WWC1: variants seen among roughly 807,000 people sequenced by gnomAD.
WWC1 encodes WW and C2 domain containing 1.
Under a neutral mutation model 138.4 loss-of-function variants are expected in WWC1, and 55 were observed. The observed-to-expected ratio is 0.40, with a 90% CI of 0.32 to 0.50. The LOEUF (loss-of-function observed/expected upper bound fraction) is 0.50, where lower values mean the gene tolerates loss of function less well. Ranked by LOEUF, WWC1 falls within the 20% of genes least tolerant of loss-of-function variation. The probability of loss-of-function intolerance (pLI) is 0.72; values close to 1 mark genes in which losing one functional copy is unlikely to be tolerated. For synonymous variants in WWC1, 524 were observed against 564.9 expected, an observed-to-expected ratio of 0.93 and a Z score of 1.03; for missense variants, 1,226 against 1,420.4, an observed-to-expected ratio of 0.86 and a Z score of 2.20.
At chr5:168,347,036 G>C (rs1451357875) in intron 1 of WWC1, among the ~76,000 whole-genome samples, 1 of 152,142 alleles carries the variant, frequency 6.6e-6, no homozygotes, top group Non-Finnish European at 1.5e-5. Context: ...TCCCTGGATG[G>C]TTCCTGGATC....
In WWC1 at chr5:168,464,874, A is replaced by G. The variant is rs755507827; in HGVS notation, c.3062A>G (p.Gln1021Arg). The change falls in exon 21 of 23, where the codon CAA becomes CGA. Residue 1021 changes from glutamine to arginine, a missense_variant. Gln to Arg is a conservative substitution (Grantham distance 43). Transcript: ENST00000265293. Reference protein sequence around the residue: ...VLKELKEQLEQAKSHGEKELP... With the variant: ...VLKELKEQLERAKSHGEKELP... ...AAGGAGCTCAAGGAGCAGCTGGAAC[A>G]AGCCAAGAGCCACGGGGAGAAGGAG... 1 of 1,614,212 alleles carries G rather than the reference A, an allele frequency of 6.2e-7. No homozygotes were observed. Among genetic ancestry groups the G allele is most frequent in the East Asian group, 2.2e-5 (1 of 44,874 alleles).
chr5:168,397,219 T>C (rs968630981), intron 3 of WWC1, among the ~76,000 whole-genome samples: 7 of 151,972 alleles, frequency 4.6e-5, no homozygotes, highest in Admixed American at 1.3e-4. Context: ...TTCGGCTCAC[T>C]GCAACCTCTG....
At chr5:168,303,775 T>C (rs1240501524) in intron 1 of WWC1, among the ~76,000 whole-genome samples, 1 of 152,174 alleles carries the variant, frequency 6.6e-6, no homozygotes, top group African/African-American at 2.4e-5. Flanking sequence ...AGGACTCCCC[T>C]GCGCTGAGCT....
At chr5:168,355,515 A>C (rs933561624) in intron 1 of WWC1, among the ~76,000 whole-genome samples, 15 of 151,930 alleles carry the variant, frequency 9.9e-5, no homozygotes, top group African/African-American at 3.1e-4. Context: ...AAAAAAAAAA[A>C]AAAACAGCAT....
chr5:168,447,847 T>C (rs1755421863), intron 17 of WWC1, among the ~76,000 whole-genome samples: 1 of 151,764 alleles, frequency 6.6e-6, no homozygotes, highest in Non-Finnish European at 1.5e-5. Context: ...CCCTCTCTCT[T>C]TCCTTTCCTC....
rs61008867 is a variant in WWC1, at chr5:168,356,437, T to C, written c.120-14987T>C. On this transcript the variant is annotated intron_variant, in intron 1 of 22. Transcript: ENST00000265293. ...CCAGGCTCTTATGTGTTGGTGTCCA[T>C]AGGAAAAAAGGTGTCATACATCGGT... Among the ~76,000 whole-genome samples the C allele has an allele frequency of 4.9e-3, 751 of 152,250 alleles. 3 individuals carry two copies. Among genetic ancestry groups the C allele is most frequent in the African/African-American group, 0.017 (714 of 41,550 alleles).
intron 3 of WWC1, among the ~76,000 whole-genome samples, chr5:168,389,613 T>G (rs1482571286): frequency 1.1e-3 from 162 of 146,584 alleles, no homozygotes; most frequent in African/African-American, 2.5e-3. Flanking sequence ...TTTTTTTTTT[T>G]TTTTTGTTAA....
rs148530832 is a variant in WWC1, at chr5:168,375,728, C to T, written c.229+4195C>T. ...TAGCTGGGATTGCAGGTGCCCGCCACCACGCCCAGCTCATTTTTGTAATTT... is the reference window on the plus strand; with the variant it reads ...TAGCTGGGATTGCAGGTGCCCGCCATCACGCCCAGCTCATTTTTGTAATTT... On this transcript the variant is annotated intron_variant, in intron 2 of 22. Coordinates refer to ENST00000265293, the MANE Select transcript of WWC1 (RefSeq NM_015238.3). 6.9e-3 allele frequency among the ~76,000 whole-genome samples: 1,042 copies of T among 151,962 alleles called. 10 individuals carry two copies. Among genetic ancestry groups the T allele is most frequent in the African/African-American group, 0.024 (978 of 41,426 alleles).
chr5:168,303,178 C>T (rs1182100813), intron 1 of WWC1, among the ~76,000 whole-genome samples: 1 of 152,196 alleles, frequency 6.6e-6, no homozygotes, highest in East Asian at 1.9e-4. Flanking sequence ...AAAATGGTCT[C>T]ATGAGCCAAC....
chr5:168,323,874 TCAGGG>T (rs753008329), intron 1 of WWC1, among the ~76,000 whole-genome samples: 2 of 151,972 alleles, frequency 1.3e-5, no homozygotes, highest in Non-Finnish European at 2.9e-5. Context: ...CTTAAAATCA[TCAGGG>T]AATAACACAC....
chr5:168,315,943 G>A (rs1321265859), intron 1 of WWC1, among the ~76,000 whole-genome samples: 1 of 152,148 alleles, frequency 6.6e-6, no homozygotes, highest in Admixed American at 6.5e-5. Context: ...ATCCCTGTCT[G>A]TATTTCAGGG....
intron 19 of WWC1, among the ~76,000 whole-genome samples, chr5:168,458,942 A>C (rs1421409229): frequency 1.3e-5 from 2 of 152,124 alleles, no homozygotes; most frequent in East Asian, 3.9e-4. Context: ...TTCAAGTGCC[A>C]CCACTGGATT....
Position 168,409,910 on chromosome 5 carries a change from C to T in WWC1, c.868-12C>T, listed in dbSNP as rs371559140. ...CAGCCACATAATTCCTGACTTTGTTCTTCTCCTCCAGTTCGGCATCAACAG... is the reference window on the plus strand; with the variant it reads ...CAGCCACATAATTCCTGACTTTGTTTTTCTCCTCCAGTTCGGCATCAACAG... On this transcript the variant is annotated splice_polypyrimidine_tract_variant and intron_variant, in intron 7 of 22. Coordinates refer to ENST00000265293, the MANE Select transcript of WWC1 (RefSeq NM_015238.3). The T allele has an allele frequency of 1.9e-6, 3 of 1,613,782 alleles. No individual in the cohort carries two copies. Among genetic ancestry groups the T allele is most frequent in the African/African-American group, 1.3e-5 (1 of 74,906 alleles).
chr5:168,464,659 A>G, intron 20 of WWC1, 70 bp from the exon 21 acceptor site: 1 of 1,588,684 alleles, frequency 6.3e-7, no homozygotes, highest in Non-Finnish European at 8.6e-7. Context: ...TTTGAGGGTC[A>G]GAGGAAGAGG....
intron 3 of WWC1, among the ~76,000 whole-genome samples, chr5:168,391,655 T>G (rs1778507146): frequency 8.3e-6 from 1 of 120,638 alleles, no homozygotes; most frequent in African/African-American, 3.3e-5. Context: ...CAACACTCCG[T>G]CTCAAAAAAA....
intron 1 of WWC1, among the ~76,000 whole-genome samples, chr5:168,356,034 A>T (rs1775384766): frequency 6.6e-6 from 1 of 152,108 alleles, no homozygotes; most frequent in Non-Finnish European, 1.5e-5. Context: ...GCCCCAGGTG[A>T]AGGTTCAGTC....
intron 20 of WWC1, among the ~76,000 whole-genome samples, chr5:168,462,737 G>A (rs1216518763): frequency 6.6e-6 from 1 of 152,234 alleles, no homozygotes; most frequent in Non-Finnish European, 1.5e-5. Flanking sequence ...GGGTCCTGAG[G>A]AACAGGAGAA....
intron 1 of WWC1, among the ~76,000 whole-genome samples, chr5:168,315,818 A>G (rs1771537619): frequency 6.6e-6 from 1 of 152,074 alleles, no homozygotes; most frequent in Non-Finnish European, 1.5e-5. Context: ...CTGAACTCCT[A>G]GGTCAAGTCT....
chr5:168,445,438 G>A (rs1009583360), intron 17 of WWC1, among the ~76,000 whole-genome samples: 4 of 152,010 alleles, frequency 2.6e-5, no homozygotes, highest in South Asian at 2.1e-4. Flanking sequence ...GGTGGCTCAC[G>A]CCTGTAATCC....
Sources: allele counts gnomAD v4.1 joint callset (sites outside exome capture counted in the v4.1 genomes callset), GRCh38; gene constraint gnomAD v4.1.1; transcripts MANE v1.5; gene names NCBI Gene and HGNC (gene_info 2026-07-23, HGNC 2026-07-21).